TREH: variants seen among roughly 807,000 people sequenced by gnomAD.
TREH encodes the protein trehalase.
In TREH, 69 loss-of-function variants were observed where a neutral mutation model predicts 80.5. The observed-to-expected ratio is 0.86, with a 90% CI of 0.71 to 1.05. The LOEUF is 1.05. Ranked by LOEUF, TREH falls within the 50% of genes least tolerant of loss-of-function variation. The pLI, the probability that TREH is intolerant of heterozygous loss-of-function variation, is 0.00. For missense variants in TREH, 716 were observed against 718.8 expected, an observed-to-expected ratio of 1.00 and a Z score of 0.04; for synonymous variants, 309 against 293.5, an observed-to-expected ratio of 1.05 and a Z score of -0.54.
intron 1 of TREH, among the ~76,000 whole-genome samples, chr11:118,677,464 G>C (rs560523655): frequency 7.9e-5 from 12 of 152,322 alleles, no homozygotes; most frequent in African/African-American, 2.6e-4. Flanking sequence ...GGTGGTTCAT[G>C]CCTGTAATCC....
chr11:118,668,185 G>A (rs562091776), intron 1 of TREH, among the ~76,000 whole-genome samples: 15 of 152,034 alleles, frequency 9.9e-5, no homozygotes, highest in Admixed American at 8.5e-4. Context: ...CTTTTAACAA[G>A]GAGAAGCATT....
Position 118,659,947 on chromosome 11 carries a change from TGG to T in TREH, c.1118_1119del (p.Ala373AspfsTer21). On this transcript the variant is annotated frameshift_variant, in exon 11 of 15. Coordinates refer to ENST00000264029, the MANE Select transcript of TREH (RefSeq NM_007180.3). LOFTEE classifies it high-confidence loss of function. ...TGCGACCGCAGGATTCTGTACTTCG[TGG>T]CCTGGGAGTCGTTCCCTGGGGCAGT... The part of the protein sequence containing the change: ...FYSRLGNDSQ[A>X]TKYRILRSQR... 6.4e-7 allele frequency: 1 copy of T among 1,551,522 alleles called. No individual in the cohort carries two copies. Among genetic ancestry groups the T allele is most frequent in the East Asian group, 2.4e-5 (1 of 40,912 alleles).
At position 118,664,822 on chromosome 11, in the gene TREH, G is replaced by C. The variant is rs549306381; in HGVS notation, c.90-1383C>G. 1.6e-3 allele frequency among the ~76,000 whole-genome samples: 249 copies of C among 152,300 alleles called. 2 individuals carry two copies. Among genetic ancestry groups the C allele is most frequent in the Non-Finnish European group, 2.9e-3 (194 of 68,020 alleles). On this transcript the variant is annotated intron_variant, in intron 1 of 14. Transcript: ENST00000264029. ...GGCTTACATACCTTCAAAAATGTGT[G>C]CTCTGGCCGGGCACAGTGGCTCATG...
chr11:118,663,114 G>A lies in TREH; in HGVS notation c.273C>T (p.His91=), dbSNP rs782487524. 11 of 1,613,996 alleles carry A rather than the reference G, an allele frequency of 6.8e-6. No homozygotes were observed. In the Admixed American group the frequency reaches 1.0e-4, roughly 15 times the overall value. ...CCTGCCCCTTGGCCTGGAAGTGTTCGTGGACAAACGCCTGCAGCTGCTCCC... is the reference window on the plus strand; with the variant it reads ...CCTGCCCCTTGGCCTGGAAGTGTTCATGGACAAACGCCTGCAGCTGCTCCC... ...IPREQLQAFV[H]EHFQAKGQEL... Residue 91 remains histidine, a synonymous_variant, in exon 3 of 15, where the codon CAC becomes CAT. Transcript: ENST00000264029.
At chr11:118,671,564 A>G (rs1036856597) in intron 1 of TREH, among the ~76,000 whole-genome samples, 14 of 152,288 alleles carry the variant, frequency 9.2e-5, no homozygotes, top group Non-Finnish European at 1.9e-4. Context: ...ATGCCTCAAA[A>G]TGGCAAATCT....
At chr11:118,662,297 G>A (rs781976117) in intron 4 of TREH, among the ~76,000 whole-genome samples, 1 of 148,848 alleles carries the variant, frequency 6.7e-6, no homozygotes, top group Admixed American at 6.7e-5. Flanking sequence ...CCCAGGGTGG[G>A]CTGGGTGGGT....
chr11:118,657,609 GC>G lies in TREH; in HGVS notation c.*679del, dbSNP rs1949186867. ...GTCCAGCCCTCTCCCTTCCACTGGT[GC>G]CTTGCTTAGAGCCAGAAGGGATGAA... On this transcript the variant is annotated 3_prime_UTR_variant, in exon 15 of 15. Coordinates refer to ENST00000264029, the MANE Select transcript of TREH (RefSeq NM_007180.3). 2 of 153,306 alleles carry G rather than the reference GC, an allele frequency of 1.3e-5. No homozygotes were observed. The highest frequency in any genetic ancestry group is 4.8e-5 in the African/African-American group (2 of 41,572). The allele number at this position is 153,306 out of a possible 1,614,324, so 9.5% of individuals were successfully genotyped here. A position where few individuals can be genotyped will look rare whatever the true frequency, so the allele number is the denominator to read the frequency against.
chr11:118,659,622 G>C, intron 11 of TREH, 125 bp downstream of exon 11: 1 of 1,380,404 alleles, frequency 7.2e-7, no homozygotes, highest in South Asian at 1.4e-5. Flanking sequence ...GGTGGCTCTG[G>C]TGGGACCCGC....
In TREH at chr11:118,679,595, T is replaced by C; in HGVS notation, c.33A>G (p.Leu11=). The C allele has an allele frequency of 2.6e-6, 4 of 1,552,106 alleles. No individual in the cohort carries two copies. Among genetic ancestry groups the C allele is most frequent in the Admixed American group, 1.9e-5 (1 of 53,960 alleles). The change falls in exon 1 of 15, where the codon CTA becomes CTG. Residue 11 remains leucine (L), a synonymous_variant. Coordinates refer to ENST00000264029, the MANE Select transcript of TREH (RefSeq NM_007180.3). MPGRTWELCL[L]LLLGLGLGSQ... ...ACCCCAGTCCCAGCCCCAGCAGCAG[T>C]AGCAGGCACAGCTCCCAGGTCCTCC...
In TREH at chr11:118,660,727, C is replaced by G. The variant is rs782261696; in HGVS notation, c.914G>C (p.Arg305Pro). The G allele has an allele frequency of 6.3e-7, 1 of 1,579,848 alleles. No homozygotes were observed. Among genetic ancestry groups the G allele is most frequent in the Non-Finnish European group, 8.6e-7 (1 of 1,163,042 alleles). ...CTTGAGCTCAGCCCACAGAGCCTCC[C>G]GGTCTCCTGTGAGGACAGAGCAGGG... is the stretch of plus-strand genomic sequence containing the variant. ...ELADTLPEGD[R>P]EALWAELKAG... The change falls in exon 10 of 15, where the codon CGG (arginine) becomes CCG (proline). Residue 305 changes from arginine (R) to proline (P), a missense_variant. Arg to Pro is a moderately radical substitution (Grantham distance 103, BLOSUM62 -2). Transcript: ENST00000264029.
In TREH at chr11:118,659,415, C is replaced by A; in HGVS notation, c.1387G>T (p.Asp463Tyr). 6.2e-7 allele frequency: 1 copy of A among 1,606,242 alleles called. No homozygotes were observed. Among genetic ancestry groups the A allele is most frequent in the Non-Finnish European group, 8.5e-7 (1 of 1,176,022 alleles). ...TSLQKTGQQW[D>Y]FPNAWAPLQD... Reference sequence around the variant, plus strand: ...AGGGGGGCCCAGGCATTGGGGAAATCCCACTGCTGGCCTGTCTTCTGGAGA... The same window carrying A: ...AGGGGGGCCCAGGCATTGGGGAAATACCACTGCTGGCCTGTCTTCTGGAGA... Residue 463 changes from aspartate to tyrosine, a missense_variant, in exon 12 of 15, where the codon GAT becomes TAT. Asp to Tyr is a radical substitution (Grantham distance 160). Transcript: ENST00000264029.
intron 11 of TREH, 47 bp downstream of exon 11, chr11:118,659,700 G>T: frequency 6.5e-7 from 1 of 1,546,370 alleles, no homozygotes; most frequent in South Asian, 1.2e-5. Context: ...GGTCGGGAGG[G>T]GGCGGTGCTG....
intron 1 of TREH, among the ~76,000 whole-genome samples, chr11:118,676,001 C>A (rs1243596520): frequency 1.3e-5 from 2 of 152,222 alleles, no homozygotes; most frequent in South Asian, 2.1e-4. Flanking sequence ...CTGTGCCCAG[C>A]CTACTTACCA....
chr11:118,670,681 G>A (rs1187829974), intron 1 of TREH, among the ~76,000 whole-genome samples: 1 of 152,142 alleles, frequency 6.6e-6, no homozygotes, highest in Admixed American at 6.5e-5. Context: ...TTAATAATTA[G>A]TCCAGTTCAT....
rs1949315459 is a variant in TREH at position 118,661,053 on chromosome 11, A to G, written c.857+107T>C. 1 of 1,571,392 alleles carries G rather than the reference A, an allele frequency of 6.4e-7. No homozygotes were observed. The highest frequency in any genetic ancestry group is 1.8e-5 in the Admixed American group (1 of 55,330). On this transcript the variant is annotated intron_variant, in intron 8 of 14. Coordinates refer to ENST00000264029, the MANE Select transcript of TREH (RefSeq NM_007180.3). The surrounding 1 kb of genome is among the most constrained non-coding windows in gnomAD (Gnocchi z 4.2). ...ATTGCAGAGGGCTCTCGGTGTCACC[A>G]TCTGAGAGGCCAGGCTAAGTCACTC...
chr11:118,663,570 C>T lies in TREH; in HGVS notation c.90-131G>A, dbSNP rs544711669. ...ACTGGACAAGGGCTGTGTGTGCGTG[C>T]GTGTGTGTGTGTGTGTTAGGAGTTT... On this transcript the variant is annotated intron_variant, in intron 1 of 14. Coordinates refer to ENST00000264029, the MANE Select transcript of TREH (RefSeq NM_007180.3). 2.3e-3 allele frequency: 1,624 copies of T among 692,104 alleles called. 2 individuals carry two copies. The highest frequency in any genetic ancestry group is 3.4e-3 in the Non-Finnish European group (1,411 of 409,248). 42.9% of individuals were successfully genotyped at this position (692,104 alleles called of 1,614,324 possible). A position where few individuals can be genotyped will look rare whatever the true frequency, so the allele number is the denominator to read the frequency against.
At chr11:118,678,906 G>A (rs1555147139) in intron 1 of TREH, among the ~76,000 whole-genome samples, 1 of 152,228 alleles carries the variant, frequency 6.6e-6, no homozygotes, top group Non-Finnish European at 1.5e-5. Flanking sequence ...CAGGCCCTTA[G>A]GCTGCCTCTC....
At position 118,661,295 on chromosome 11, in the gene TREH, A is replaced by G; in HGVS notation, c.735-13T>C. 6.2e-7 allele frequency: 1 copy of G among 1,614,004 alleles called. No individual in the cohort carries two copies. Among genetic ancestry groups the G allele is most frequent in the Non-Finnish European group, 8.5e-7 (1 of 1,179,882 alleles). On this transcript the variant is annotated splice_polypyrimidine_tract_variant and intron_variant, in intron 7 of 14. Coordinates refer to ENST00000264029, the MANE Select transcript of TREH (RefSeq NM_007180.3). The surrounding 1 kb of genome is among the most constrained non-coding windows in gnomAD (Gnocchi z 4.2). ...TTCAATGTTTTCCCTGGAGTGAAGC[A>G]GACAACACCTCAGCCCAGGCGTGCT... is the stretch of plus-strand genomic sequence containing the variant.
intron 1 of TREH, 82 bp from the exon 2 acceptor site, chr11:118,663,521 A>G (rs956395597): frequency 8.6e-7 from 1 of 1,157,156 alleles, no homozygotes; most frequent in African/African-American, 1.5e-5. Context: ...TCTGTGGTAG[A>G]CTGGTCAAGG....
Sources: allele counts gnomAD v4.1 joint callset (sites outside exome capture counted in the v4.1 genomes callset), GRCh38; gene constraint gnomAD v4.1.1; non-coding constraint Gnocchi (gnomAD v3.1); transcripts MANE v1.5; gene names NCBI Gene and HGNC (gene_info 2026-07-23, HGNC 2026-07-21).